The following TMEM91 variants were observed in gnomAD, a reference collection of about 807,000 sequenced individuals.
The protein encoded by TMEM91 is dispanin subfamily C member 3.
TMEM91 carries 6 observed loss-of-function variants against 13.3 expected under a neutral mutation model. That is an observed-to-expected ratio of 0.45 (90% confidence interval 0.25 to 0.89). TMEM91 has a LOEUF of 0.89. TMEM91 is among the 40% of genes least tolerant of loss of function. The pLI, the probability that TMEM91 is intolerant of heterozygous loss-of-function variation, is 0.19. For missense variants in TMEM91, 193 were observed against 228.7 expected, an observed-to-expected ratio of 0.84 and a Z score of 1.01; for synonymous variants, 87 against 101.7, an observed-to-expected ratio of 0.86 and a Z score of 0.87.
upstream of TMEM91, among the ~76,000 whole-genome samples, chr19:41,375,935 AAC>A (rs1277255463): frequency 3.9e-5 from 6 of 152,100 alleles, no homozygotes; most frequent in African/African-American, 1.4e-4. Flanking sequence ...CAACCTGACC[AAC>A]ACAGCGAAAT....
At chr19:41,372,916 G>A (rs1235046285), upstream of TMEM91, among the ~76,000 whole-genome samples, 1 of 146,524 alleles carries the variant, frequency 6.8e-6, no homozygotes, top group Middle Eastern at 3.3e-3. Context: ...ATCCTTGCTG[G>A]AATCTCGTGA....
chr19:41,371,334 CTTCCTTCCTTCCTTCCT>C (rs2038614991), intron 1 of TMEM91, among the ~76,000 whole-genome samples: 1 of 145,862 alleles, frequency 6.9e-6, no homozygotes, highest in Non-Finnish European at 1.5e-5. Flanking sequence ...TCCTTCCTTC[CTTCCTTCCTTCCTTCCT>C]TCCTTCCTTC....
chr19:41,366,548 A>ATTTCACTCAGGGTAAAAG (rs1306341383), intron 1 of TMEM91, among the ~76,000 whole-genome samples: 4 of 151,966 alleles, frequency 2.6e-5, no homozygotes, highest in Admixed American at 2.6e-4. Context: ...AGTGGTCCCC[A>ATTTCACTCAGGGTAAAAG]TTTCACTCAG....
intron 1 of TMEM91, among the ~76,000 whole-genome samples, chr19:41,377,763 C>G (rs1333883051): frequency 2.6e-5 from 4 of 151,850 alleles, no homozygotes; most frequent in Non-Finnish European, 5.9e-5. Flanking sequence ...GTAATCCCAG[C>G]ACTTTGGGAG....
intron 3 of TMEM91, chr19:41,383,411 TAA>T: frequency 1.0e-6 from 1 of 966,536 alleles, no homozygotes; most frequent in African/African-American, 1.7e-5. Flanking sequence ...TCCTCATCTG[TAA>T]AGTGGGAATA....
At chr19:41,378,230 T>A (rs2038773696) in intron 1 of TMEM91, 51 bp from the exon 2 acceptor site, 2 of 1,416,924 alleles carry the variant, frequency 1.4e-6, no homozygotes, top group African/African-American at 2.8e-5. Flanking sequence ...GGTCAGAGGT[T>A]GAGTGAAGTG....
chr19:41,370,152 A>G (rs1805565199), intron 1 of TMEM91, among the ~76,000 whole-genome samples: 1 of 152,076 alleles, frequency 6.6e-6, no homozygotes, highest in African/African-American at 2.4e-5. Context: ...ATCTCAGCTC[A>G]ACGCAACCTC....
intron 1 of TMEM91, among the ~76,000 whole-genome samples, chr19:41,365,288 C>T (rs2038498691): frequency 6.6e-6 from 1 of 152,124 alleles, no homozygotes; most frequent in African/African-American, 2.4e-5. Context: ...CTCTTGAGGC[C>T]AGAAGTTCGA....
At chr19:41,367,619 G>A (rs1453272480) in intron 1 of TMEM91, among the ~76,000 whole-genome samples, 1 of 152,162 alleles carries the variant, frequency 6.6e-6, no homozygotes, top group African/African-American at 2.4e-5. Flanking sequence ...GGACAAGAGT[G>A]AGACAAAGTC....
intron 2 of TMEM91, among the ~76,000 whole-genome samples, chr19:41,379,882 G>A (rs944912774): frequency 6.9e-6 from 1 of 144,946 alleles, no homozygotes; most frequent in Non-Finnish European, 1.5e-5. Context: ...GGTGTCTTAG[G>A]GCTTCCTTTT....
At chr19:41,382,567 CTG>C (rs2038913285) in intron 2 of TMEM91, among the ~76,000 whole-genome samples, 3 of 152,316 alleles carry the variant, frequency 2.0e-5, no homozygotes, top group Non-Finnish European at 4.4e-5. Context: ...TGAGCCGAGA[CTG>C]TGCCATTGTA....
chr19:41,381,123 A>C (rs73047241), intron 2 of TMEM91, among the ~76,000 whole-genome samples: 2,236 of 147,554 alleles, frequency 0.015, 35 homozygotes, highest in South Asian at 0.058. Flanking sequence ...TAAACTCTAG[A>C]GTTTTCAGCA....
rs192256295 is a variant in TMEM91 at position 41,378,331 on chromosome 19, G to A, written c.22G>A (p.Glu8Lys). The change falls in exon 2 of 4, where the codon GAG becomes AAG. Residue 8 changes from glutamate to lysine, a missense_variant. Physicochemically the swap from Glu to Lys is moderately conservative, Grantham distance 56. Coordinates refer to ENST00000392002, the MANE Select transcript of TMEM91 (RefSeq NM_001098821.2). The part of the protein sequence containing the change: MDSPSLR[E>K]LQQPLLEGTE... ...AGCCATGGACAGCCCTAGTCTTCGT[G>A]AGCTTCAACAGCCTCTGCTGGAGGG... 1.3e-4 allele frequency: 211 copies of A among 1,614,184 alleles called. 2 individuals are homozygous for A. In the East Asian group the frequency reaches 4.6e-3, roughly 35 times the overall value.
At chr19:41,365,554 A>C (rs995783540) in intron 1 of TMEM91, among the ~76,000 whole-genome samples, 2 of 150,998 alleles carry the variant, frequency 1.3e-5, no homozygotes, top group African/African-American at 4.9e-5. Context: ...ACAGGCGTGC[A>C]CCACCACACC....
At chr19:41,367,895 T>C (rs1197261511) in intron 1 of TMEM91, among the ~76,000 whole-genome samples, 3 of 152,098 alleles carry the variant, frequency 2.0e-5, no homozygotes, top group Non-Finnish European at 4.4e-5. Flanking sequence ...CCTCCCAAAG[T>C]GCTGGGGTTA....
upstream of TMEM91, chr19:41,376,098 C>G (rs2123179319): frequency 6.6e-6 from 1 of 151,614 alleles, no homozygotes; most frequent in Non-Finnish European, 1.5e-5. Context: ...CTAGCCTGGG[C>G]GACAGAGCAA....
At chr19:41,379,310 T>C (rs1433566370) in intron 2 of TMEM91, among the ~76,000 whole-genome samples, 1 of 150,094 alleles carries the variant, frequency 6.7e-6, no homozygotes, top group South Asian at 2.1e-4. Flanking sequence ...TGAGACTCCA[T>C]CTTTATTTTT....
At chr19:41,383,581 T>C in intron 3 of TMEM91, 134 bp from the exon 4 acceptor site, 1 of 1,614,074 alleles carries the variant, frequency 6.2e-7, no homozygotes, top group Non-Finnish European at 8.5e-7. Context: ...GCCTGACCTA[T>C]AGTAGGTGCT....
intron 1 of TMEM91, among the ~76,000 whole-genome samples, chr19:41,367,617 G>GCTCACTCT (rs1183930854): frequency 1.3e-5 from 2 of 152,196 alleles, no homozygotes; most frequent in East Asian, 3.8e-4. Flanking sequence ...GGGGACAAGA[G>GCTCACTCT]TGAGACAAAG....
Sources: allele counts gnomAD v4.1 joint callset (sites outside exome capture counted in the v4.1 genomes callset), GRCh38; gene constraint gnomAD v4.1.1; transcripts MANE v1.5; gene names NCBI Gene and HGNC (gene_info 2026-07-23, HGNC 2026-07-21).